The following SPEF2 variants were observed in gnomAD, a reference collection of about 807,000 sequenced individuals.
The protein encoded by SPEF2 is sperm flagellar and cilia associated 2, also known as sperm flagella and cilia-associated protein 2.
In SPEF2, 187 loss-of-function variants were observed where a neutral mutation model predicts 224.6. That is an observed-to-expected ratio of 0.83 (90% CI 0.74 to 0.94). The LOEUF is 0.94. Ranked by LOEUF, SPEF2 falls within the 40% of genes least tolerant of loss-of-function variation. The pLI is 0.00. For missense variants in SPEF2, 2,170 were observed against 2,135.6 expected, an observed-to-expected ratio of 1.02 and a Z score of -0.32; for synonymous variants, 715 against 707.3, an observed-to-expected ratio of 1.01 and a Z score of -0.17.
At position 35,795,938 on chromosome 5, in the gene SPEF2, T is replaced by G. The variant is rs1361542829; in HGVS notation, c.4830+143T>G. ...GCCTCTCCAAAGTGCAGACCTTAAG[T>G]TAGCTCACTAAGGAGGCAGTGTAGA... On this transcript the variant is annotated intron_variant, in intron 33 of 36. Coordinates refer to ENST00000356031, the MANE Select transcript of SPEF2 (RefSeq NM_024867.4). 5 of 718,188 alleles carry G rather than the reference T, an allele frequency of 7.0e-6. No individual in the cohort carries two copies. In the African/African-American group the frequency reaches 8.9e-5, roughly 13 times the overall value. The allele number at this position is 718,188 out of a possible 1,614,324, so 44.5% of individuals were successfully genotyped here.
chr5:35,619,639 T>C (rs949012373), intron 1 of SPEF2, among the ~76,000 whole-genome samples: 9 of 152,066 alleles, frequency 5.9e-5, no homozygotes, highest in Non-Finnish European at 1.3e-4. Context: ...ATCGCGCCAC[T>C]GCACTCCAGT....
intron 24 of SPEF2, among the ~76,000 whole-genome samples, chr5:35,756,859 C>A (rs1012734520): frequency 6.6e-6 from 1 of 152,034 alleles, no homozygotes; most frequent in Non-Finnish European, 1.5e-5. Flanking sequence ...AATCCTTTTT[C>A]TATTTCTATT....
chr5:35,807,353 T>G lies in SPEF2; in HGVS notation c.5379+100T>G, dbSNP rs7736291. 615,389 of 1,480,530 alleles carry G rather than the reference T, an allele frequency of 0.42. 134,568 individuals are homozygous for G. Among genetic ancestry groups the G allele is most frequent in the African/African-American group, 0.79 (56,581 of 71,246 alleles). The allele number at this position is 1,480,530 out of a possible 1,614,324, so 91.7% of individuals were successfully genotyped here. On this transcript the variant is annotated intron_variant, in intron 36 of 36. Transcript: ENST00000356031. ...GCTGGCATGGAAGAGAAAGAAGCTG[T>G]ACTCTGCCAGGCCAGGCCAGAATCT...
chr5:35,680,778 G>A (rs902112337), intron 10 of SPEF2, among the ~76,000 whole-genome samples: 1 of 152,162 alleles, frequency 6.6e-6, no homozygotes, highest in Non-Finnish European at 1.5e-5. Flanking sequence ...CCTATGAGCT[G>A]TGAGTTTAGA....
chr5:35,790,219 A>C (rs1296516957), intron 30 of SPEF2: 2 of 689,760 alleles, frequency 2.9e-6, no homozygotes, highest in East Asian at 5.4e-5. Context: ...AGTATGACGG[A>C]TGTCCTAATT....
rs4072772 is a variant in SPEF2, at chr5:35,689,313, C to T, written c.1525-1724C>T. ...TGTACCTAACATTTTCTTTTTCTTC[C>T]CGCTTCCTGCTTTTATTAAAATTAT... On this transcript the variant is annotated intron_variant, in intron 10 of 36. Transcript: ENST00000356031. 5.9e-3 allele frequency among the ~76,000 whole-genome samples: 897 copies of T among 152,084 alleles called. 6 individuals are homozygous for T. The highest frequency in any genetic ancestry group is 0.014 in the Middle Eastern group (4 of 294).
intron 26 of SPEF2, 52 bp from the exon 27 acceptor site, chr5:35,771,557 G>A: frequency 2.5e-6 from 4 of 1,572,906 alleles, no homozygotes; most frequent in Non-Finnish European, 3.4e-6. Context: ...CCAAATGGTT[G>A]CCATATTTTG....
intron 16 of SPEF2, among the ~76,000 whole-genome samples, chr5:35,703,371 G>A (rs1035000263): frequency 4.6e-5 from 7 of 152,162 alleles, no homozygotes; most frequent in Non-Finnish European, 1.0e-4. Flanking sequence ...AGCATAAAGT[G>A]AAGTCAGGAT....
chr5:35,639,173 A>G (rs286445), intron 2 of SPEF2, among the ~76,000 whole-genome samples: 86,343 of 152,020 alleles, frequency 0.57, 25,490 homozygotes, highest in East Asian at 0.74. Flanking sequence ...CTTTGGATAG[A>G]TGTGTGTCCT....
chr5:35,800,663 C>A (rs1317639399), intron 34 of SPEF2, among the ~76,000 whole-genome samples: 1 of 152,182 alleles, frequency 6.6e-6, no homozygotes, highest in Non-Finnish European at 1.5e-5. Context: ...CCCTTGAGAT[C>A]TCTCAGGCAT....
intron 29 of SPEF2, among the ~76,000 whole-genome samples, chr5:35,777,508 C>T (rs1435257909): frequency 6.6e-6 from 1 of 152,024 alleles, no homozygotes; most frequent in Non-Finnish European, 1.5e-5. Flanking sequence ...ATTTTTGGGA[C>T]TCATGGCTCC....
At chr5:35,778,009 G>A (rs1261744102) in intron 29 of SPEF2, among the ~76,000 whole-genome samples, 1 of 152,090 alleles carries the variant, frequency 6.6e-6, no homozygotes, top group Non-Finnish European at 1.5e-5. Context: ...AAACTAATTG[G>A]CTAACACGTA....
At chr5:35,634,223 T>C (rs1210803506) in intron 2 of SPEF2, among the ~76,000 whole-genome samples, 1 of 152,112 alleles carries the variant, frequency 6.6e-6, no homozygotes, top group East Asian at 1.9e-4. Flanking sequence ...CAATGAGTTA[T>C]CTTAGTTTTT....
At chr5:35,652,187 C>T (rs1748288710) in intron 6 of SPEF2, among the ~76,000 whole-genome samples, 2 of 151,964 alleles carry the variant, frequency 1.3e-5, no homozygotes, top group South Asian at 4.2e-4. Flanking sequence ...AATATTTATT[C>T]AAGTACATAA....
intron 19 of SPEF2, among the ~76,000 whole-genome samples, chr5:35,711,468 T>C (rs1025156915): frequency 7.2e-5 from 11 of 152,204 alleles, no homozygotes; most frequent in Admixed American, 1.3e-4. Flanking sequence ...TTGAAGGGTC[T>C]ATTATCAAAT....
At chr5:35,642,287 G>A (rs1380589193) in intron 3 of SPEF2, among the ~76,000 whole-genome samples, 2 of 152,086 alleles carry the variant, frequency 1.3e-5, no homozygotes, top group Admixed American at 6.6e-5. Flanking sequence ...TTGACAGTCT[G>A]TCCTTAAATA....
intron 17 of SPEF2, among the ~76,000 whole-genome samples, chr5:35,704,944 C>G (rs1739447694): frequency 6.6e-6 from 1 of 152,076 alleles, no homozygotes. Flanking sequence ...AATCCTGATT[C>G]AGCACTCATT....
intron 15 of SPEF2, chr5:35,698,080 G>T (rs1353209313): frequency 8.2e-5 from 17 of 206,108 alleles, no homozygotes; most frequent in Non-Finnish European, 1.9e-5. Context: ...AAAAGCCAAG[G>T]GAAAGACTCA....
chr5:35,656,594 T>G (rs1017696106), intron 7 of SPEF2, among the ~76,000 whole-genome samples: 3 of 152,208 alleles, frequency 2.0e-5, no homozygotes, highest in Admixed American at 6.5e-5. Flanking sequence ...AAAGTACTTG[T>G]GTGTTGGCTG....
Sources: allele counts gnomAD v4.1 joint callset (sites outside exome capture counted in the v4.1 genomes callset), GRCh38; gene constraint gnomAD v4.1.1; transcripts MANE v1.5; gene names NCBI Gene and HGNC (gene_info 2026-07-23, HGNC 2026-07-21).